The following DYSF variants were observed in gnomAD, a reference collection of about 807,000 sequenced individuals.
The protein encoded by DYSF is dystrophy-associated fer-1-like 1.
A neutral mutation model predicts 274.9 loss-of-function variants in DYSF; 212 were observed. That is an observed-to-expected ratio of 0.77 (90% CI 0.69 to 0.86). The LOEUF (loss-of-function observed/expected upper bound fraction) is 0.86. DYSF is among the 40% of genes least tolerant of loss of function. The pLI is 0.00. For synonymous variants in DYSF, 1,091 were observed against 1,078.7 expected, an observed-to-expected ratio of 1.01 and a Z score of -0.22; for missense variants, 2,666 against 2,783.2, an observed-to-expected ratio of 0.96 and a Z score of 0.95.
chr2:71,522,650 T>C (rs1344271007), intron 12 of DYSF, among the ~76,000 whole-genome samples: 1 of 152,170 alleles, frequency 6.6e-6, no homozygotes, highest in African/African-American at 2.4e-5. Context: ...CTCTGGACGC[T>C]CAGTTTCAGT....
At chr2:71,500,350 T>C (rs2084854062) in intron 3 of DYSF, among the ~76,000 whole-genome samples, 1 of 152,130 alleles carries the variant, frequency 6.6e-6, no homozygotes, top group Non-Finnish European at 1.5e-5. Context: ...AGAGGCAGCC[T>C]GCCCTGCTAT....
At chr2:71,572,149 AGATCACACCCAGCATG>A (rs1468509786) in intron 29 of DYSF, among the ~76,000 whole-genome samples, 8 of 145,838 alleles carry the variant, frequency 5.5e-5, no homozygotes, top group Non-Finnish European at 9.0e-5. Flanking sequence ...GCACACCCAC[AGATCACACCCAGCATG>A]GATCACACCC....
At position 71,567,997 on chromosome 2, in the gene DYSF, G is replaced by A. The variant is rs779790516; in HGVS notation, c.2612G>A (p.Arg871Gln). The A allele has an allele frequency of 5.6e-6, 9 of 1,614,008 alleles. No individual in the cohort carries two copies. The highest frequency in any genetic ancestry group is 5.9e-6 in the Non-Finnish European group (7 of 1,180,022). The change falls in exon 25 of 56, where the codon CGG becomes CAG. Residue 871 changes from arginine to glutamine, a missense_variant. Physicochemically the swap from Arg to Gln is conservative, Grantham distance 43 (BLOSUM62 1). Transcript: ENST00000410020. ...GGCGCCCGGATGCCAGTGCAGATAC[G>A]GGTCAAGCTGTGGTTTGGGCTCTCA... Reference protein sequence around the residue: ...VPGARMPVQIRVKLWFGLSVD... With the variant: ...VPGARMPVQIQVKLWFGLSVD...
chr2:71,602,841 A>G, intron 36 of DYSF, 36 bp downstream of exon 36: 1 of 1,610,372 alleles, frequency 6.2e-7, no homozygotes, highest in South Asian at 1.1e-5. Flanking sequence ...GGGTGGGCCG[A>G]GGTAGAGGGA....
intron 46 of DYSF, among the ~76,000 whole-genome samples, chr2:71,664,816 C>T (rs554726040): frequency 6.6e-6 from 1 of 152,268 alleles, no homozygotes; most frequent in African/African-American, 2.4e-5. Context: ...TGCAACTGGG[C>T]CCGAAGGGGA....
chr2:71,541,406 A>G (rs1468299056), intron 17 of DYSF, among the ~76,000 whole-genome samples: 1 of 152,160 alleles, frequency 6.6e-6, no homozygotes, highest in African/African-American at 2.4e-5. Flanking sequence ...GTTGAGGTAT[A>G]ATTTATTTAC....
chr2:71,575,108 G>A (rs1482854094), intron 30 of DYSF, among the ~76,000 whole-genome samples: 1 of 152,174 alleles, frequency 6.6e-6, no homozygotes, highest in African/African-American at 2.4e-5. Flanking sequence ...GGACGTGAGG[G>A]TGTCCATGTG....
At chr2:71,624,005 G>A (rs1232807876) in intron 41 of DYSF, among the ~76,000 whole-genome samples, 1 of 152,198 alleles carries the variant, frequency 6.6e-6, no homozygotes, top group East Asian at 1.9e-4. Context: ...AGAGGACGAG[G>A]TTGCGGTGAG....
At chr2:71,602,720 C>A in intron 35 of DYSF, 56 bp from the exon 36 acceptor site, 2 of 1,593,530 alleles carry the variant, frequency 1.3e-6, no homozygotes, top group South Asian at 2.3e-5. Flanking sequence ...ACTTTTTCCC[C>A]TTCCAACCCC....
At chr2:71,474,226 G>A (rs903239953) in intron 1 of DYSF, among the ~76,000 whole-genome samples, 16 of 152,114 alleles carry the variant, frequency 1.1e-4, no homozygotes, top group Admixed American at 7.9e-4. Flanking sequence ...ATGCCCAGCC[G>A]ATTTTGACTA....
intron 32 of DYSF, among the ~76,000 whole-genome samples, chr2:71,595,546 C>T (rs1466060351): frequency 2.6e-5 from 4 of 152,212 alleles, no homozygotes. Flanking sequence ...ATTGTGAACG[C>T]AGAAGGTCCT....
intron 17 of DYSF, among the ~76,000 whole-genome samples, chr2:71,546,881 T>C (rs4852806): frequency 0.8 from 121,584 of 152,238 alleles, 49,943 homozygotes; most frequent in African/African-American, 0.86. Flanking sequence ...CCGCAGGTGA[T>C]GGCCTCAGCT....
intron 4 of DYSF, among the ~76,000 whole-genome samples, chr2:71,510,413 G>A (rs1421926783): frequency 6.6e-6 from 1 of 152,190 alleles, no homozygotes; most frequent in Non-Finnish European, 1.5e-5. Context: ...TGGTGATTCA[G>A]GAACCCACAG....
chr2:71,589,531 A>C, intron 30 of DYSF, 62 bp from the exon 31 acceptor site: 2 of 1,322,858 alleles, frequency 1.5e-6, no homozygotes, highest in Non-Finnish European at 2.2e-6. Flanking sequence ...TCTCTGGGCT[A>C]GTCTCCCTGC....
At chr2:71,503,413 C>T (rs925981230) in intron 4 of DYSF, 94 bp downstream of exon 4, 24 of 1,264,962 alleles carry the variant, frequency 1.9e-5, no homozygotes, top group Non-Finnish European at 2.5e-5. Flanking sequence ...AGACATGCAT[C>T]TGACTTCAGC....
At chr2:71,618,172 T>TGGG (rs2093960374) in intron 40 of DYSF, among the ~76,000 whole-genome samples, 10 of 49,484 alleles carry the variant, frequency 2.0e-4, no homozygotes, top group Non-Finnish European at 3.4e-4. Context: ...GTGTGTGTGG[T>TGGG]AGAGGTGGGG....
rs1270804848 is a variant in DYSF at position 71,527,826 on chromosome 2, G to A, written c.1277-472G>A. Among the ~76,000 whole-genome samples the A allele has an allele frequency of 2.0e-5, 3 of 151,978 alleles. No homozygotes were observed. The East Asian group carries it at 5.8e-4, about 29-fold the overall frequency. ...AATCTGGCTGATTCAAAAAATAATG[G>A]TTTGGGGCAGCATAGATTAAAAACT... On this transcript the variant is annotated intron_variant, in intron 13 of 55. Coordinates refer to ENST00000410020, the MANE Select transcript of DYSF (RefSeq NM_001130987.2).
chr2:71,579,536 T>C (rs924909465), intron 30 of DYSF, among the ~76,000 whole-genome samples: 1 of 152,130 alleles, frequency 6.6e-6, no homozygotes, highest in African/African-American at 2.4e-5. Flanking sequence ...CTCCAGGGGA[T>C]CCAGGACCCC....
chr2:71,549,084 AAC>A (rs1294912981), intron 17 of DYSF, among the ~76,000 whole-genome samples: 2 of 152,220 alleles, frequency 1.3e-5, no homozygotes, highest in African/African-American at 4.8e-5. Context: ...TGGCAAACGG[AAC>A]ACACAGAGTG....
Sources: gnomAD v4.1 joint callset for allele counts (sites outside exome capture counted in the v4.1 genomes callset) on GRCh38, gnomAD v4.1.1 for gene constraint, MANE v1.5 for transcripts, NCBI Gene and HGNC (gene_info 2026-07-23, HGNC 2026-07-21) for gene names.